The following ELAPOR1 variants were observed in gnomAD, a reference collection of about 807,000 sequenced individuals.
The protein encoded by ELAPOR1 is endosome-lysosome associated apoptosis and autophagy regulator 1.
In ELAPOR1, 77 loss-of-function variants were observed where a neutral mutation model predicts 119.7. That is an observed-to-expected ratio of 0.64 (90% confidence interval 0.54 to 0.78). The LOEUF (loss-of-function observed/expected upper bound fraction) is 0.78, where lower values mean the gene tolerates loss of function less well. Ranked by LOEUF, ELAPOR1 falls within the 30% of genes least tolerant of loss-of-function variation. The probability of loss-of-function intolerance (pLI) is 0.00; values close to 1 mark genes in which losing one functional copy is unlikely to be tolerated. For synonymous variants in ELAPOR1, 481 were observed against 487.2 expected (o/e 0.99, Z 0.17); for missense variants, 1,115 against 1,270.4 (o/e 0.88, Z 1.86).
chr1:109,131,476 G>C (rs1026253235), intron 1 of ELAPOR1, among the ~76,000 whole-genome samples: 1 of 152,020 alleles, frequency 6.6e-6, no homozygotes, highest in Admixed American at 6.6e-5. Context: ...TCTAGTTTCC[G>C]GCAGTGGACG....
chr1:109,190,944 G>C (rs77232972), intron 11 of ELAPOR1, among the ~76,000 whole-genome samples: 6 of 152,096 alleles, frequency 3.9e-5, no homozygotes, highest in Non-Finnish European at 5.9e-5. Context: ...CACACGAATC[G>C]CCTGGGAATC....
intron 8 of ELAPOR1, 138 bp downstream of exon 8, chr1:109,185,271 G>A: frequency 3.0e-6 from 2 of 661,178 alleles, no homozygotes; most frequent in South Asian, 1.8e-5. Context: ...GGTGACCCTA[G>A]GGCTAGGTGG....
At chr1:109,166,061 A>G (rs1570671261) in intron 3 of ELAPOR1, among the ~76,000 whole-genome samples, 1 of 151,712 alleles carries the variant, frequency 6.6e-6, no homozygotes, top group Non-Finnish European at 1.5e-5. Flanking sequence ...GACTGCAGGC[A>G]CCCGCCACCA....
chr1:109,147,591 C>G (rs2101012272), intron 1 of ELAPOR1, among the ~76,000 whole-genome samples: 1 of 152,072 alleles, frequency 6.6e-6, no homozygotes. Flanking sequence ...AGAGTGAACT[C>G]TAATGTAAGC....
intron 8 of ELAPOR1, chr1:109,187,555 A>T (rs944165471): frequency 2.3e-4 from 234 of 1,001,692 alleles, no homozygotes; most frequent in Non-Finnish European, 2.7e-4. Flanking sequence ...TGAGGGCCAC[A>T]TGGGAAGAAT....
chr1:109,181,579 C>G (rs765830664), intron 7 of ELAPOR1, among the ~76,000 whole-genome samples: 8 of 152,140 alleles, frequency 5.3e-5, no homozygotes, highest in Non-Finnish European at 1.2e-4. Context: ...AAATATTTGA[C>G]AAGCAGAGAA....
chr1:109,153,075 T>C (rs1650639540), intron 1 of ELAPOR1, among the ~76,000 whole-genome samples: 2 of 151,094 alleles, frequency 1.3e-5, no homozygotes, highest in South Asian at 2.1e-4. Flanking sequence ...ACGGCAGAAA[T>C]TGGTGAGTAT....
chr1:109,178,011 C>CTT (rs61317397), intron 7 of ELAPOR1, among the ~76,000 whole-genome samples: 51,740 of 135,480 alleles, frequency 0.38, 10,075 homozygotes, highest in East Asian at 0.51. Context: ...TTTTTTCTTT[C>CTT]TTTTTTTTTT....
At chr1:109,133,993 T>C (rs1272190089) in intron 1 of ELAPOR1, among the ~76,000 whole-genome samples, 1 of 152,194 alleles carries the variant, frequency 6.6e-6, no homozygotes, top group African/African-American at 2.4e-5. Flanking sequence ...CCCAGTGATG[T>C]TGCGCCAGCC....
Position 109,194,430 on chromosome 1 carries a change from C to G in ELAPOR1, c.1957C>G (p.Leu653Val), listed in dbSNP as rs1653650085. 3.7e-6 allele frequency: 6 copies of G among 1,613,740 alleles called. No individual in the cohort carries two copies. In the East Asian group the frequency reaches 1.3e-4, roughly 36 times the overall value. ...TCCCTCTCCCCCTCAGATCCACTCT[C>G]TGTGCTACAACGATTGCACCTTCTC... ...PGTKNNKIHS[L>V]CYNDCTFSRN... is the part of the protein sequence containing the mutation. The change falls in exon 15 of 22, where the codon CTG becomes GTG. Residue 653 changes from leucine (L) to valine (V), a missense_variant. Coordinates refer to ENST00000369939, the MANE Select transcript of ELAPOR1 (RefSeq NM_020775.5).
intron 7 of ELAPOR1, among the ~76,000 whole-genome samples, chr1:109,177,785 C>T (rs1652439773): frequency 6.6e-6 from 1 of 152,066 alleles, no homozygotes; most frequent in South Asian, 2.1e-4. Flanking sequence ...AAATCTCTGG[C>T]TCCCTTTATG....
Position 109,127,649 on chromosome 1 carries a change from C to T in ELAPOR1, c.153+13313C>T, listed in dbSNP as rs532116195. Among the ~76,000 whole-genome samples the T allele has an allele frequency of 3.3e-5, 5 of 152,268 alleles. No individual in the cohort carries two copies. The South Asian group carries it at 1.0e-3, about 32-fold the overall frequency. ...TGGCGTGATCACTGTTCACGGCAGC[C>T]TTGAGCTTCTGGGCTCAAGTGATCC... On this transcript the variant is annotated intron_variant, in intron 1 of 21. Coordinates refer to ENST00000369939, the MANE Select transcript of ELAPOR1 (RefSeq NM_020775.5).
At chr1:109,123,491 A>G (rs1648574608) in intron 1 of ELAPOR1, among the ~76,000 whole-genome samples, 1 of 152,238 alleles carries the variant, frequency 6.6e-6, no homozygotes. Context: ...TGCAGCAAGA[A>G]AACTACAGCA....
At chr1:109,178,415 A>G (rs867196866) in intron 7 of ELAPOR1, among the ~76,000 whole-genome samples, 1 of 152,190 alleles carries the variant, frequency 6.6e-6, no homozygotes, top group Admixed American at 6.5e-5. Context: ...TCCAGAATAC[A>G]GGGTCAGTGA....
intron 2 of ELAPOR1, among the ~76,000 whole-genome samples, chr1:109,163,322 G>A (rs777684710): frequency 6.6e-6 from 1 of 152,184 alleles, no homozygotes; most frequent in Non-Finnish European, 1.5e-5. Context: ...GCCAGGCCAA[G>A]AGCATAATTC....
chr1:109,188,419 A>G, intron 9 of ELAPOR1, 65 bp downstream of exon 9: 4 of 1,508,130 alleles, frequency 2.7e-6, no homozygotes, highest in Non-Finnish European at 3.6e-6. Context: ...TGTGGGCACT[A>G]ACAGTGGCCA....
intron 7 of ELAPOR1, among the ~76,000 whole-genome samples, chr1:109,177,504 C>T (rs1652416741): frequency 8.8e-6 from 1 of 113,718 alleles, no homozygotes; most frequent in African/African-American, 3.9e-5. Flanking sequence ...GGGATGGCGG[C>T]CGGGAAGAGG....
intron 7 of ELAPOR1, among the ~76,000 whole-genome samples, chr1:109,179,957 C>T (rs1305472180): frequency 6.6e-6 from 1 of 151,982 alleles, no homozygotes; most frequent in Non-Finnish European, 1.5e-5. Context: ...TTTGAAAGAC[C>T]ACTCTGGCTG....
intron 1 of ELAPOR1, among the ~76,000 whole-genome samples, chr1:109,151,448 G>A (rs1248200883): frequency 6.6e-6 from 1 of 152,174 alleles, no homozygotes; most frequent in African/African-American, 2.4e-5. Flanking sequence ...TGAGGTCGCA[G>A]TGCCCCTGAG....
Sources: allele counts gnomAD v4.1 joint callset (sites outside exome capture counted in the v4.1 genomes callset), GRCh38; gene constraint gnomAD v4.1.1; transcripts MANE v1.5; gene names NCBI Gene and HGNC (gene_info 2026-07-23, HGNC 2026-07-21).